THOC5: variants seen among roughly 807,000 people sequenced by gnomAD.
THOC5 encodes Fms-interacting protein.
In THOC5, 43 loss-of-function variants were observed where a neutral mutation model predicts 92.9. The ratio of observed to expected loss-of-function variants is 0.46; its 90% CI spans 0.36 to 0.60. The LOEUF (loss-of-function observed/expected upper bound fraction) is 0.60, where lower values mean the gene tolerates loss of function less well. Ranked by LOEUF, THOC5 falls within the 20% of genes least tolerant of loss-of-function variation. The pLI is 0.00. For missense variants in THOC5, 659 were observed against 849.4 expected (o/e 0.78, Z 2.79); for synonymous variants, 296 against 320.1 (o/e 0.92, Z 0.80).
chr22:29,540,556 C>T (rs1398894612), intron 5 of THOC5, among the ~76,000 whole-genome samples: 1 of 152,164 alleles, frequency 6.6e-6, no homozygotes, highest in Non-Finnish European at 1.5e-5. Context: ...GGCCTATGCT[C>T]CTTCCATGTG....
At position 29,508,019 on chromosome 22, in the gene THOC5, G is replaced by A. The variant is rs1601366125; in HGVS notation, c.*438C>T. On this transcript the variant is annotated 3_prime_UTR_variant, in exon 20 of 20. Coordinates refer to ENST00000490103, the MANE Select transcript of THOC5 (RefSeq NM_003678.5). ...CCCTGACAGGACTAATGGGAAGAGC[G>A]GGTGGGGAGGGAAGAGTTTTGCTTT... is the stretch of plus-strand genomic sequence containing the variant. The A allele has an allele frequency of 6.0e-6, 1 of 166,966 alleles. No homozygotes were observed. Among genetic ancestry groups the A allele is most frequent in the African/African-American group, 2.4e-5 (1 of 41,618 alleles). The allele number at this position is 166,966 out of a possible 1,614,324, so 10.3% of individuals were successfully genotyped here.
At chr22:29,511,943 A>C in intron 18 of THOC5, 78 bp downstream of exon 18, 1 of 1,193,184 alleles carries the variant, frequency 8.4e-7, no homozygotes. Context: ...CCAAGTCCTC[A>C]GCTGCAGTGG....
chr22:29,531,597 G>C (rs2063656642), intron 8 of THOC5: 1 of 1,258,050 alleles, frequency 7.9e-7, no homozygotes. Context: ...GTCCAGCCAG[G>C]CTCACGAATG....
intron 10 of THOC5, 34 bp downstream of exon 10, chr22:29,528,392 G>T (rs967930838): frequency 6.2e-7 from 1 of 1,614,030 alleles, no homozygotes; most frequent in East Asian, 2.2e-5. Context: ...GCATGCAGCT[G>T]CTTGATGCCC....
At chr22:29,530,370 T>C (rs1315181275) in intron 8 of THOC5, among the ~76,000 whole-genome samples, 1 of 151,672 alleles carries the variant, frequency 6.6e-6, no homozygotes, top group African/African-American at 2.4e-5. Flanking sequence ...TATATAAAAA[T>C]TAGCCAGGCA....
intron 14 of THOC5, among the ~76,000 whole-genome samples, chr22:29,519,544 A>G (rs963941926): frequency 2.6e-5 from 4 of 152,138 alleles, no homozygotes; most frequent in Admixed American, 2.6e-4. Context: ...TAAGTCTAAG[A>G]CATTTTAGTG....
At position 29,521,033 on chromosome 22, in the gene THOC5, C is replaced by A. The variant is rs775451872; in HGVS notation, c.1242G>T (p.Pro414=). The change falls in exon 13 of 20, where the codon CCG becomes CCT. Residue 414 remains proline, a synonymous_variant. Transcript: ENST00000490103. ...LYPGDHGKKT[P]NPANQYQFDK... ...CAAACTGATACTGATTGGCTGGATTCGGAGTTTTCTTTCCATGATCCCCAG... is the reference window on the plus strand; with the variant it reads ...CAAACTGATACTGATTGGCTGGATTAGGAGTTTTCTTTCCATGATCCCCAG... The A allele has an allele frequency of 6.2e-7, 1 of 1,613,948 alleles. No homozygotes were observed. The highest frequency in any genetic ancestry group is 8.5e-7 in the Non-Finnish European group (1 of 1,179,996).
In THOC5 at chr22:29,512,083, C is replaced by T. The variant is rs1049534; in HGVS notation, c.1735G>A (p.Val579Ile). 363,980 of 1,613,602 alleles carry T rather than the reference C, an allele frequency of 0.23. 43,436 individuals are homozygous for T. The highest frequency in any genetic ancestry group is 0.46 in the East Asian group (20,690 of 44,822). Residue 579 changes from valine to isoleucine, a missense_variant, in exon 18 of 20, where the codon GTT (valine) becomes ATT (isoleucine). By Grantham distance (29) the Val-to-Ile change is conservative. Coordinates refer to ENST00000490103, the MANE Select transcript of THOC5 (RefSeq NM_003678.5). ...TTCCAGTTCAAACAGAGCTGGAAAA[C>T]AGGTGGGATGGAGGAGTAGCCAGGG... Reference protein sequence around the residue: ...LNPGYSSIPPVFQLCLNWKGE... With the variant: ...LNPGYSSIPPIFQLCLNWKGE...
chr22:29,519,422 AG>A (rs1202248845), intron 14 of THOC5, among the ~76,000 whole-genome samples: 3 of 152,242 alleles, frequency 2.0e-5, no homozygotes, highest in Non-Finnish European at 4.4e-5. Flanking sequence ...CTTGCACACA[AG>A]AACAAGGGCA....
At chr22:29,535,914 ATCCTCCCCCC>A (rs1467674878) in intron 7 of THOC5, 1 of 151,878 alleles carries the variant, frequency 6.6e-6, no homozygotes, top group Non-Finnish European at 1.5e-5. Flanking sequence ...GGCTCAAGTG[ATCCTCCCCCC>A]TCAGCCACCC....
rs2063653565 is a variant in THOC5, at chr22:29,531,464, T to C, written c.847+367A>G. 12 of 1,027,920 alleles carry C rather than the reference T, an allele frequency of 1.2e-5. No homozygotes were observed. The South Asian group carries it at 5.0e-4, about 42-fold the overall frequency. 63.7% of individuals were successfully genotyped at this position (1,027,920 alleles called of 1,614,324 possible). ...GCCTGGGAGAGCTGGCTGAGACCTG[T>C]ATTCACCAGGCACCCCCACCCTGAA... is the stretch of plus-strand genomic sequence containing the variant. On this transcript the variant is annotated intron_variant, in intron 8 of 19. Transcript: ENST00000490103.
chr22:29,541,884 A>T (rs796208900), intron 5 of THOC5, among the ~76,000 whole-genome samples: 4,962 of 64,796 alleles, frequency 0.077, 277 homozygotes, highest in South Asian at 0.12. Context: ...AAAAAAAAAA[A>T]AAAAAAAAAA....
chr22:29,543,341 C>G (rs2063938770), intron 4 of THOC5, 88 bp downstream of exon 4: 3 of 768,844 alleles, frequency 3.9e-6, no homozygotes, highest in Non-Finnish European at 5.8e-6. Context: ...GAACGAGACT[C>G]TGTCTCAAAA....
intron 17 of THOC5, among the ~76,000 whole-genome samples, chr22:29,515,334 G>A (rs557209414): frequency 1.3e-4 from 20 of 152,254 alleles, no homozygotes; most frequent in East Asian, 5.8e-4. Context: ...GAGCCACTGC[G>A]CCCGGCTGTA....
intron 17 of THOC5, among the ~76,000 whole-genome samples, chr22:29,516,253 G>A (rs373836080): frequency 2.6e-5 from 4 of 151,998 alleles, no homozygotes; most frequent in African/African-American, 7.2e-5. Flanking sequence ...GGGATAGGGA[G>A]GCCTCAACTG....
intron 2 of THOC5, among the ~76,000 whole-genome samples, chr22:29,546,108 C>T (rs1201080291): frequency 6.6e-6 from 1 of 152,252 alleles, no homozygotes; most frequent in African/African-American, 2.4e-5. Flanking sequence ...TTGGGGCTTC[C>T]ACCCTCTGAG....
intron 2 of THOC5, among the ~76,000 whole-genome samples, chr22:29,545,517 T>C (rs1313869401): frequency 2.0e-5 from 3 of 152,138 alleles, no homozygotes; most frequent in African/African-American, 7.2e-5. Flanking sequence ...AGCTAGTTAC[T>C]TCGTAGATAC....
At position 29,506,121 on chromosome 22, in the gene THOC5, G is replaced by A. The variant is rs958427544; in HGVS notation, c.*2336C>T. The A allele has an allele frequency of 6.6e-6, 1 of 152,162 alleles. No homozygotes were observed. Among genetic ancestry groups the A allele is most frequent in the Non-Finnish European group, 1.5e-5 (1 of 68,056 alleles). 9.4% of individuals were successfully genotyped at this position (152,162 alleles called of 1,614,324 possible). On this transcript the variant is annotated 3_prime_UTR_variant, in exon 20 of 20. Coordinates refer to ENST00000490103, the MANE Select transcript of THOC5 (RefSeq NM_003678.5). ...GTGATCCGCCCACCAGCCTCCCAAA[G>A]TACTGATATTAAAGGCGTAAGCCAC...
At chr22:29,534,546 T>A (rs2063717807) in intron 7 of THOC5, 1 of 151,330 alleles carries the variant, frequency 6.6e-6, no homozygotes. Flanking sequence ...CTTCTGTTTT[T>A]TTTTTTCTTT....
Sources: allele counts gnomAD v4.1 joint callset (sites outside exome capture counted in the v4.1 genomes callset), GRCh38; gene constraint gnomAD v4.1.1; transcripts MANE v1.5; gene names NCBI Gene and HGNC (gene_info 2026-07-23, HGNC 2026-07-21).